Variants in ANKS1B observed in about 807,000 individuals in gnomAD.
ANKS1B encodes ankyrin repeat and sterile alpha motif domain containing 1B, also known as ankyrin repeat and sterile alpha motif domain-containing protein 1B.
In ANKS1B, 36 loss-of-function variants were observed where a neutral mutation model predicts 148.3. The ratio of observed to expected loss-of-function variants is 0.24; its 90% CI spans 0.19 to 0.32. The LOEUF (loss-of-function observed/expected upper bound fraction) is 0.32, where lower values mean the gene tolerates loss of function less well. Among genes scored for constraint, ANKS1B ranks in the 10% least tolerant of loss-of-function variants. The pLI is 1.00. For missense variants in ANKS1B, 1,157 were observed against 1,542.6 expected, an observed-to-expected ratio of 0.75 and a Z score of 4.19; for synonymous variants, 542 against 560.8, an observed-to-expected ratio of 0.97 and a Z score of 0.47.
At chr12:99,091,801 C>CT (rs11409252) in intron 15 of ANKS1B, among the ~76,000 whole-genome samples, 99,851 of 151,930 alleles carry the variant, frequency 0.66, 33,069 homozygotes, top group East Asian at 0.89. Flanking sequence ...CTCACAATAA[C>CT]TCCTATGAGG....
chr12:98,852,615 C>T (rs922307995), intron 17 of ANKS1B, among the ~76,000 whole-genome samples: 2 of 152,092 alleles, frequency 1.3e-5, no homozygotes, highest in Non-Finnish European at 2.9e-5. Context: ...TGTGTTTAAT[C>T]CCCACGGACT....
intron 9 of ANKS1B, among the ~76,000 whole-genome samples, chr12:99,531,053 A>G (rs116399879): frequency 0.01 from 1,578 of 152,252 alleles, 21 homozygotes; most frequent in African/African-American, 0.036. Context: ...TCCCAGGCCT[A>G]TAGAAATTCT....
chr12:99,934,232 C>CT (rs948361586), intron 1 of ANKS1B, among the ~76,000 whole-genome samples: 1 of 151,950 alleles, frequency 6.6e-6, no homozygotes, highest in Admixed American at 6.6e-5. Context: ...CTGTAGTTTT[C>CT]TTTTTTTGAT....
At chr12:99,720,325 G>C (rs2057944887) in intron 8 of ANKS1B, among the ~76,000 whole-genome samples, 1 of 152,182 alleles carries the variant, frequency 6.6e-6, no homozygotes. Context: ...ACTTTCACTG[G>C]ATGGGTAGAG....
chr12:99,256,957 T>C (rs1338394314), intron 12 of ANKS1B, among the ~76,000 whole-genome samples: 3 of 152,120 alleles, frequency 2.0e-5, no homozygotes, highest in Non-Finnish European at 4.4e-5. Flanking sequence ...AAAAATTATT[T>C]CATCCCGGCC....
At chr12:99,266,374 T>C (rs1169895151) in intron 12 of ANKS1B, among the ~76,000 whole-genome samples, 2 of 152,186 alleles carry the variant, frequency 1.3e-5, no homozygotes, top group Non-Finnish European at 2.9e-5. Context: ...GGACCAAGCA[T>C]TGTGATAAGT....
chr12:98,849,074 C>A (rs1369070470), intron 17 of ANKS1B, among the ~76,000 whole-genome samples: 1 of 151,924 alleles, frequency 6.6e-6, no homozygotes, highest in Non-Finnish European at 1.5e-5. Flanking sequence ...TTTTTAAAGG[C>A]CAAAGTTCAT....
chr12:99,874,722 G>C (rs2091897220), intron 1 of ANKS1B, among the ~76,000 whole-genome samples: 1 of 152,180 alleles, frequency 6.6e-6, no homozygotes, highest in Non-Finnish European at 1.5e-5. Flanking sequence ...GCTCCAGACA[G>C]GCCTGGTGTC....
rs1057207163 is a variant in ANKS1B at position 99,035,364 on chromosome 12, G to A, written c.2778+17793C>T. Among the ~76,000 whole-genome samples, 3 of 152,330 alleles carry A rather than the reference G, an allele frequency of 2.0e-5. No individual in the cohort carries two copies. The East Asian group carries it at 5.8e-4, about 29-fold the overall frequency. ...GGTCTTGCCCAACACAGAGAAGGAA[G>A]GAATGCATGCTCAGGGGGGCCAAGA... On this transcript the variant is annotated intron_variant, in intron 17 of 26. Transcript: ENST00000683438.
rs1273544697 is a variant in ANKS1B, at chr12:99,709,163, C to T, written c.1129-53953G>A. On this transcript the variant is annotated intron_variant, in intron 8 of 26. Coordinates refer to ENST00000683438, the MANE Select transcript of ANKS1B (RefSeq NM_001352186.2). The stretch of plus-strand genomic sequence containing the variant: ...GTGTGTGTGCACGCACACATGCACA[C>T]ATAAGCACACGCAAGCTTGTGAGGG... Among the ~76,000 whole-genome samples the T allele has an allele frequency of 2.0e-5, 3 of 152,050 alleles. 1 individual carries two copies. The highest frequency in any genetic ancestry group is 4.4e-5 in the Non-Finnish European group (3 of 67,992).
At chr12:99,455,157 C>A (rs2095825096) in intron 10 of ANKS1B, among the ~76,000 whole-genome samples, 1 of 152,060 alleles carries the variant, frequency 6.6e-6, no homozygotes, top group South Asian at 2.1e-4. Flanking sequence ...TCTTCTATAT[C>A]TTTCTATTCA....
intron 9 of ANKS1B, among the ~76,000 whole-genome samples, chr12:99,632,437 T>C (rs2098170711): frequency 6.6e-6 from 1 of 151,856 alleles, no homozygotes; most frequent in Non-Finnish European, 1.5e-5. Context: ...GGGCAGTACC[T>C]AGTGGAGCCA....
At chr12:99,331,271 T>C (rs1044819479) in intron 12 of ANKS1B, among the ~76,000 whole-genome samples, 2 of 151,918 alleles carry the variant, frequency 1.3e-5, no homozygotes, top group Non-Finnish European at 2.9e-5. Flanking sequence ...AAAGAAACAG[T>C]ACTCTAATAT....
At chr12:99,963,169 G>A (rs2095439868) in intron 1 of ANKS1B, among the ~76,000 whole-genome samples, 3 of 152,146 alleles carry the variant, frequency 2.0e-5, no homozygotes, top group African/African-American at 4.8e-5. Flanking sequence ...TTTGAGAAGC[G>A]TCTGTTCATA....
chr12:99,749,228 G>A (rs552092857), intron 8 of ANKS1B, among the ~76,000 whole-genome samples: 1 of 152,206 alleles, frequency 6.6e-6, no homozygotes, highest in Admixed American at 6.6e-5. Context: ...TTTGACAACT[G>A]AGATTGGCTC....
intron 17 of ANKS1B, among the ~76,000 whole-genome samples, chr12:98,914,508 A>G (rs767782788): frequency 2.8e-4 from 43 of 152,122 alleles, no homozygotes; most frequent in Non-Finnish European, 4.7e-4. Context: ...AAGCCAAAGA[A>G]AGTCCTTAGA....
At chr12:99,007,081 C>T (rs1174830499) in intron 17 of ANKS1B, among the ~76,000 whole-genome samples, 1 of 152,128 alleles carries the variant, frequency 6.6e-6, no homozygotes, top group Non-Finnish European at 1.5e-5. Context: ...TAGGAATTTT[C>T]TCTTGCTTTT....
chr12:99,653,678 CTT>C (rs199988255), intron 9 of ANKS1B, among the ~76,000 whole-genome samples: 2,184 of 113,578 alleles, frequency 0.019, 8 homozygotes, highest in Non-Finnish European at 0.028. Context: ...TTCTTTCTTT[CTT>C]TTTTTTTTTT....
chr12:98,755,806 A>T (rs953790075), intron 25 of ANKS1B, among the ~76,000 whole-genome samples: 1 of 152,076 alleles, frequency 6.6e-6, no homozygotes, highest in Admixed American at 6.6e-5. Context: ...TCTTGGCCCA[A>T]CCCATGTGTC....
Sources: gnomAD v4.1 joint callset for allele counts (sites outside exome capture counted in the v4.1 genomes callset) on GRCh38, gnomAD v4.1.1 for gene constraint, MANE v1.5 for transcripts, NCBI Gene and HGNC (gene_info 2026-07-23, HGNC 2026-07-21) for gene names.